Variants in SPATS2L observed in about 807,000 individuals in gnomAD.
SPATS2L encodes SPATS2-like protein.
A neutral mutation model predicts 59.6 loss-of-function variants in SPATS2L; 30 were observed. The ratio of observed to expected loss-of-function variants is 0.50; its 90% CI spans 0.38 to 0.68. The LOEUF (loss-of-function observed/expected upper bound fraction) is 0.68, where lower values mean the gene tolerates loss of function less well. SPATS2L is among the 30% of genes least tolerant of loss of function. The pLI, the probability that SPATS2L is intolerant of heterozygous loss-of-function variation, is 0.00. For missense variants in SPATS2L, 615 were observed against 700.0 expected, an observed-to-expected ratio of 0.88 and a Z score of 1.37; for synonymous variants, 252 against 263.5, an observed-to-expected ratio of 0.96 and a Z score of 0.42.
intron 2 of SPATS2L, among the ~76,000 whole-genome samples, chr2:200,370,318 GAAGAGAATGTA>G (rs1255320505): frequency 3.3e-5 from 5 of 152,192 alleles, no homozygotes; most frequent in African/African-American, 1.2e-4. Context: ...AATGCAAAGT[GAAGAGAATGTA>G]ATAGATATGG....
Position 200,478,358 on chromosome 2 carries a change from A to G in SPATS2L, c.*327A>G, listed in dbSNP as rs913778280. The stretch of plus-strand genomic sequence containing the variant: ...TGTGTTGTAGCAGTGATGTCAGTCC[A>G]TTGATTGTCTTTAGAGAGTTAATGT... On this transcript the variant is annotated 3_prime_UTR_variant, in exon 13 of 13. Coordinates refer to ENST00000409140, the MANE Select transcript of SPATS2L (RefSeq NM_001100423.2). 3 of 207,796 alleles carry G rather than the reference A, an allele frequency of 1.4e-5. No individual in the cohort carries two copies. The highest frequency in any genetic ancestry group is 1.6e-3 in the Middle Eastern group (1 of 614). 12.9% of individuals were successfully genotyped at this position (207,796 alleles called of 1,614,324 possible).
Position 200,440,799 on chromosome 2 carries a change from G to A in SPATS2L, c.788+15G>A, listed in dbSNP as rs746786378. The A allele has an allele frequency of 6.0e-5, 96 of 1,610,950 alleles. No individual in the cohort carries two copies. The Admixed American group carries it at 6.9e-4, about 12-fold the overall frequency. On this transcript the variant is annotated intron_variant, in intron 8 of 12. Transcript: ENST00000409140. ...TTACACAACTGGTGAGTGATTCAAC[G>A]TAGGAACCATAAATTTGTGATGCTT...
chr2:200,309,427 A>G (rs2079127540), intron 1 of SPATS2L, among the ~76,000 whole-genome samples: 1 of 152,240 alleles, frequency 6.6e-6, no homozygotes, highest in South Asian at 2.1e-4. Context: ...CTTGACAGGT[A>G]CTGCTTAGTC....
chr2:200,422,566 G>C (rs2083355760), intron 6 of SPATS2L, among the ~76,000 whole-genome samples: 1 of 150,890 alleles, frequency 6.6e-6, no homozygotes, highest in African/African-American at 2.4e-5. Context: ...GGAGGAAGAA[G>C]AAATGATGGT....
chr2:200,417,831 G>C (rs909378129), intron 5 of SPATS2L, among the ~76,000 whole-genome samples: 1 of 152,304 alleles, frequency 6.6e-6, no homozygotes. Flanking sequence ...ACGAAGCCAC[G>C]CTGATGTTCA....
In SPATS2L at chr2:200,471,823, A is replaced by G. The variant is rs1370282403; in HGVS notation, c.1061-1009A>G. 2.6e-5 allele frequency among the ~76,000 whole-genome samples: 4 copies of G among 152,284 alleles called. No homozygotes were observed. In the East Asian group the frequency reaches 5.8e-4, roughly 22 times the overall value. On this transcript the variant is annotated intron_variant, in intron 11 of 12. Transcript: ENST00000409140. ...TCTTACTGGTCCCGCCTAGTCCTCTAGCAGAACCCTGGGATTAAATCTGAT... is the reference window on the plus strand; with the variant it reads ...TCTTACTGGTCCCGCCTAGTCCTCTGGCAGAACCCTGGGATTAAATCTGAT...
intron 4 of SPATS2L, among the ~76,000 whole-genome samples, 174 bp downstream of exon 4, chr2:200,412,593 G>A (rs2082915369): frequency 2.4e-5 from 3 of 126,448 alleles, no homozygotes; most frequent in African/African-American, 5.8e-5. Context: ...GTGACAGAGT[G>A]AGACCCCATC....
intron 10 of SPATS2L, 83 bp from the exon 11 acceptor site, chr2:200,469,831 A>C (rs2086891408): frequency 1.9e-6 from 2 of 1,029,100 alleles, no homozygotes; most frequent in Admixed American, 4.4e-5. Context: ...TGGACACCGG[A>C]AGAGCAGAGT....
rs1195152788 is a variant in SPATS2L, at chr2:200,338,615, G to C, written c.-23+9135G>C. Reference sequence around the variant, plus strand: ...AAGGCTTAATTTACTCCAATAGTTAGCATGTACAGTGAAAAGATTCATCTT... The same window carrying C: ...AAGGCTTAATTTACTCCAATAGTTACCATGTACAGTGAAAAGATTCATCTT... On this transcript the variant is annotated intron_variant, in intron 2 of 12. Coordinates refer to ENST00000409140, the MANE Select transcript of SPATS2L (RefSeq NM_001100423.2). Among the ~76,000 whole-genome samples the C allele has an allele frequency of 1.4e-4, 21 of 152,326 alleles. No homozygotes were observed. In the East Asian group the frequency reaches 4.0e-3, roughly 29 times the overall value.
chr2:200,426,082 C>CTTTTTTTT (rs769997762), intron 6 of SPATS2L, among the ~76,000 whole-genome samples: 1 of 62,326 alleles, frequency 1.6e-5, no homozygotes, highest in Non-Finnish European at 2.8e-5. Flanking sequence ...TAGGTTTTTA[C>CTTTTTTTT]TTTTTTTTTT....
intron 1 of SPATS2L, among the ~76,000 whole-genome samples, chr2:200,329,132 A>G (rs918459901): frequency 6.6e-5 from 10 of 152,202 alleles, no homozygotes; most frequent in Non-Finnish European, 1.2e-4. Flanking sequence ...TTGTTGGTGT[A>G]TTTCACTATT....
intron 2 of SPATS2L, among the ~76,000 whole-genome samples, chr2:200,338,720 G>T (rs1366465817): frequency 6.6e-6 from 1 of 152,164 alleles, no homozygotes; most frequent in African/African-American, 2.4e-5. Context: ...ATAGAATTTT[G>T]TTTTTAACAC....
At chr2:200,408,108 G>A (rs1168804077) in intron 3 of SPATS2L, among the ~76,000 whole-genome samples, 1 of 152,148 alleles carries the variant, frequency 6.6e-6, no homozygotes, top group African/African-American at 2.4e-5. Flanking sequence ...CAGGAGTTGA[G>A]GCAAAGGTGA....
chr2:200,334,093 G>C (rs1292575978), intron 2 of SPATS2L, among the ~76,000 whole-genome samples: 7 of 152,216 alleles, frequency 4.6e-5, no homozygotes, highest in African/African-American at 1.4e-4. Flanking sequence ...CTTCCACAAT[G>C]GTTGAACTAG....
chr2:200,413,072 A>T (rs2082938957), intron 4 of SPATS2L, among the ~76,000 whole-genome samples: 1 of 152,066 alleles, frequency 6.6e-6, no homozygotes, highest in African/African-American at 2.4e-5. Flanking sequence ...TAAATAAATA[A>T]ATGTGTCCTT....
chr2:200,466,925 C>T (rs1020586255), intron 9 of SPATS2L, among the ~76,000 whole-genome samples: 3 of 152,162 alleles, frequency 2.0e-5, no homozygotes, highest in East Asian at 1.9e-4. Flanking sequence ...CCTGTCTTGG[C>T]GGTATCACTC....
At chr2:200,338,804 A>G (rs1311300121) in intron 2 of SPATS2L, among the ~76,000 whole-genome samples, 1 of 152,174 alleles carries the variant, frequency 6.6e-6, no homozygotes, top group African/African-American at 2.4e-5. Flanking sequence ...TCCAAGCTGC[A>G]CTTCTCTCTC....
At chr2:200,389,508 C>G (rs956850790) in intron 3 of SPATS2L, 1 of 439,740 alleles carries the variant, frequency 2.3e-6, no homozygotes, top group African/African-American at 2.0e-5. Context: ...TGACCATAAC[C>G]CCATAAAGAA....
chr2:200,450,668 C>G (rs2085375161), intron 8 of SPATS2L, among the ~76,000 whole-genome samples: 1 of 152,140 alleles, frequency 6.6e-6, no homozygotes, highest in African/African-American at 2.4e-5. Context: ...TAGGTGGCAC[C>G]CAAGAATCTT....
Sources: gnomAD v4.1 joint callset for allele counts (sites outside exome capture counted in the v4.1 genomes callset) on GRCh38, gnomAD v4.1.1 for gene constraint, MANE v1.5 for transcripts, NCBI Gene and HGNC (gene_info 2026-07-23, HGNC 2026-07-21) for gene names.